Variants in ADAMTS17 observed in about 807,000 individuals in gnomAD.
ADAMTS17 encodes the protein ADAM metallopeptidase with thrombospondin type 1 motif 17, also known as A disintegrin and metalloproteinase with thrombospondin motifs 17.
A neutral mutation model predicts 141.5 loss-of-function variants in ADAMTS17; 113 were observed. The ratio of observed to expected loss-of-function variants is 0.80; its 90% CI spans 0.69 to 0.93. The LOEUF is 0.93. Ranked by LOEUF, ADAMTS17 falls within the 40% of genes least tolerant of loss-of-function variation. The pLI is 0.00. For missense variants in ADAMTS17, 1,659 were observed against 1,517.9 expected (o/e 1.09, Z -1.54); for synonymous variants, 768 against 630.6 (o/e 1.22, Z -3.27).
chr15:100,050,275 G>A lies in ADAMTS17; in HGVS notation c.2456-1283C>T, dbSNP rs73472496. Among the ~76,000 whole-genome samples, 751 of 152,338 alleles carry A rather than the reference G, an allele frequency of 4.9e-3. 9 individuals are homozygous for A. The highest frequency in any genetic ancestry group is 0.017 in the African/African-American group (698 of 41,568). The stretch of plus-strand genomic sequence containing the variant: ...CAGAACAGCCTGCCCCTGACCCCAG[G>A]AGAGCCTGACTATTCCATGTGGGCT... On this transcript the variant is annotated intron_variant, in intron 17 of 21. Coordinates refer to ENST00000268070, the MANE Select transcript of ADAMTS17 (RefSeq NM_139057.4).
intron 18 of ADAMTS17, among the ~76,000 whole-genome samples, chr15:100,012,338 G>T (rs550382572): frequency 6.6e-6 from 1 of 152,308 alleles, no homozygotes; most frequent in Non-Finnish European, 1.5e-5. Context: ...TCTGTGGGTT[G>T]TCTGTTTACT....
At chr15:99,975,007 CCCTGCTCAAGGGAGGT>C (rs2060291824) in intron 21 of ADAMTS17, among the ~76,000 whole-genome samples, 1 of 152,196 alleles carries the variant, frequency 6.6e-6, no homozygotes, top group Non-Finnish European at 1.5e-5. Flanking sequence ...AGAGAGAAGG[CCCTGCTCAAGGGAGGT>C]CCTGAAGTTC....
intron 18 of ADAMTS17, among the ~76,000 whole-genome samples, chr15:100,046,035 C>T (rs1339234761): frequency 6.6e-6 from 1 of 152,154 alleles, no homozygotes; most frequent in African/African-American, 2.4e-5. Context: ...CATCTGCCAC[C>T]ACACCCAGCT....
intron 10 of ADAMTS17, among the ~76,000 whole-genome samples, chr15:100,149,499 C>G (rs1474038941): frequency 6.6e-6 from 1 of 152,174 alleles, no homozygotes; most frequent in African/African-American, 2.4e-5. Flanking sequence ...TCCTGGTCAC[C>G]TGCTTTGACC....
intron 7 of ADAMTS17, among the ~76,000 whole-genome samples, chr15:100,203,762 G>A (rs2041429235): frequency 6.6e-6 from 1 of 152,126 alleles, no homozygotes; most frequent in Admixed American, 6.5e-5. Flanking sequence ...AGCCAGGCAT[G>A]GTGGCAGGTC....
intron 18 of ADAMTS17, among the ~76,000 whole-genome samples, chr15:100,018,619 G>A (rs1223714691): frequency 6.6e-6 from 1 of 152,194 alleles, no homozygotes; most frequent in Non-Finnish European, 1.5e-5. Context: ...TAAGTTTCCT[G>A]AGGCCTCTCC....
intron 15 of ADAMTS17, among the ~76,000 whole-genome samples, chr15:100,090,590 G>C (rs1177241959): frequency 6.6e-6 from 1 of 152,204 alleles, no homozygotes. Flanking sequence ...AGGTGCTGAT[G>C]AAAGGCAGTT....
chr15:100,015,370 G>A (rs542220656), intron 18 of ADAMTS17, among the ~76,000 whole-genome samples: 8 of 152,052 alleles, frequency 5.3e-5, no homozygotes, highest in Non-Finnish European at 1.0e-4. Context: ...GTGAGGTACC[G>A]TTGCATTTGT....
intron 14 of ADAMTS17, among the ~76,000 whole-genome samples, chr15:100,098,643 A>G (rs1335925164): frequency 8.7e-5 from 13 of 148,776 alleles, no homozygotes; most frequent in Non-Finnish European, 7.4e-5. Flanking sequence ...AGCCTGGGCA[A>G]CAGAGCAAGA....
intron 7 of ADAMTS17, among the ~76,000 whole-genome samples, chr15:100,245,720 C>T (rs898926874): frequency 6.6e-6 from 1 of 152,118 alleles, no homozygotes. Flanking sequence ...TTTTGTTGTT[C>T]CCAGGGCAGA....
rs573692507 is a variant in ADAMTS17 at position 100,113,789 on chromosome 15, T to C, written c.1888+3058A>G. Among the ~76,000 whole-genome samples, 10 of 152,320 alleles carry C rather than the reference T, an allele frequency of 6.6e-5. No homozygotes were observed. In the East Asian group the frequency reaches 1.9e-3, roughly 29 times the overall value. On this transcript the variant is annotated intron_variant, in intron 13 of 21. Coordinates refer to ENST00000268070, the MANE Select transcript of ADAMTS17 (RefSeq NM_139057.4). ...AGCTGTCGTCAGAGAGTCCTAACCA[T>C]CACGCCCCTCATCCCCACGGAGGCT... is the stretch of plus-strand genomic sequence containing the variant.
At chr15:99,994,445 A>T (rs1049855289) in intron 19 of ADAMTS17, among the ~76,000 whole-genome samples, 2 of 134,604 alleles carry the variant, frequency 1.5e-5, no homozygotes, top group Non-Finnish European at 1.7e-5. Flanking sequence ...TACAGACCCC[A>T]ATCTCTTAAA....
At chr15:99,992,909 G>A in intron 20 of ADAMTS17, 139 bp downstream of exon 20, 1 of 1,086,296 alleles carries the variant, frequency 9.2e-7, no homozygotes, top group Non-Finnish European at 1.3e-6. Context: ...GGTAGTTGCA[G>A]CGGGTGGAAG....
At chr15:100,288,196 A>G (rs2044510198) in intron 3 of ADAMTS17, among the ~76,000 whole-genome samples, 1 of 152,200 alleles carries the variant, frequency 6.6e-6, no homozygotes, top group Non-Finnish European at 1.5e-5. Context: ...ACAAAACAAA[A>G]CAAAAAAGCA....
intron 3 of ADAMTS17, among the ~76,000 whole-genome samples, chr15:100,317,401 C>T (rs574945976): frequency 9.2e-5 from 14 of 152,222 alleles, no homozygotes; most frequent in African/African-American, 3.1e-4. Flanking sequence ...AGTGCCTCTG[C>T]CCCATGAGCA....
intron 9 of ADAMTS17, among the ~76,000 whole-genome samples, chr15:100,153,601 G>A (rs150053927): frequency 3.4e-4 from 51 of 152,166 alleles, no homozygotes; most frequent in East Asian, 9.7e-4. Context: ...CCAAGATAGC[G>A]CCACTGCACT....
intron 4 of ADAMTS17, among the ~76,000 whole-genome samples, chr15:100,274,423 C>T (rs758723943): frequency 2.1e-4 from 32 of 151,960 alleles, no homozygotes; most frequent in Non-Finnish European, 2.9e-4. Context: ...TATAACATCC[C>T]CTTTGCCTCT....
intron 15 of ADAMTS17, among the ~76,000 whole-genome samples, chr15:100,055,683 C>G (rs1192173297): frequency 1.3e-5 from 2 of 152,216 alleles, no homozygotes; most frequent in East Asian, 3.8e-4. Context: ...CACAACTGAA[C>G]TGTCCTGGCT....
intron 10 of ADAMTS17, among the ~76,000 whole-genome samples, chr15:100,135,637 T>C (rs1229012723): frequency 1.3e-5 from 2 of 152,150 alleles, no homozygotes; most frequent in Non-Finnish European, 2.9e-5. Flanking sequence ...AAGAATATAT[T>C]TGCAATACAT....
Sources: gnomAD v4.1 joint callset for allele counts (sites outside exome capture counted in the v4.1 genomes callset) on GRCh38, gnomAD v4.1.1 for gene constraint, MANE v1.5 for transcripts, NCBI Gene and HGNC (gene_info 2026-07-23, HGNC 2026-07-21) for gene names.